The following NCKAP5L variants were observed in gnomAD, a reference collection of about 807,000 sequenced individuals.
NCKAP5L encodes the protein NCK associated protein 5 like, also known as nck-associated protein 5-like.
In NCKAP5L, 54 loss-of-function variants were observed where a neutral mutation model predicts 103.2. That is an observed-to-expected ratio of 0.52 (90% CI 0.42 to 0.66). The LOEUF is 0.66. NCKAP5L is among the 30% of genes least tolerant of loss of function. The probability of loss-of-function intolerance (pLI) is 0.00; values close to 1 mark genes in which losing one functional copy is unlikely to be tolerated. For synonymous variants in NCKAP5L, 762 were observed against 748.6 expected (o/e 1.02, Z -0.29); for missense variants, 1,733 against 1,750.6 (o/e 0.99, Z 0.18).
chr12:49,808,226 G>A (rs1308772093), intron 1 of NCKAP5L, among the ~76,000 whole-genome samples: 1 of 152,222 alleles, frequency 6.6e-6, no homozygotes, highest in Non-Finnish European at 1.5e-5. Flanking sequence ...CTGAGAATGG[G>A]GGAGACCCTC....
At chr12:49,812,556 G>A (rs993850383) in intron 1 of NCKAP5L, among the ~76,000 whole-genome samples, 6 of 151,998 alleles carry the variant, frequency 3.9e-5, no homozygotes, top group Non-Finnish European at 7.4e-5. Flanking sequence ...GCTAATTTTT[G>A]TATTTTTAGT....
At chr12:49,822,447 T>A (rs770170891) in intron 1 of NCKAP5L, among the ~76,000 whole-genome samples, 2 of 152,078 alleles carry the variant, frequency 1.3e-5, no homozygotes, top group Non-Finnish European at 2.9e-5. Context: ...AAAAAAAGAA[T>A]ATATATTTGT....
intron 1 of NCKAP5L, among the ~76,000 whole-genome samples, chr12:49,822,548 ATTTT>A (rs776773360): frequency 5.7e-5 from 8 of 139,462 alleles, no homozygotes; most frequent in African/African-American, 1.6e-4. Flanking sequence ...TGGGAGTGAG[ATTTT>A]TTTTTTTTTT....
In NCKAP5L at chr12:49,795,038, T is replaced by C. The variant is rs1265492888; in HGVS notation, c.2822A>G (p.Lys941Arg). ...LNRRTEATKN[K>R]EGAGGGSPLR... Reference sequence around the variant, plus strand: ...CGGGGAGCCCCCGCCAGCCCCCTCCTTGTTCTTGGTGGCCTCTGTGCGGCG... The same window carrying C: ...CGGGGAGCCCCCGCCAGCCCCCTCCCTGTTCTTGGTGGCCTCTGTGCGGCG... The change falls in exon 8 of 13, where the codon AAG (lysine) becomes AGG (arginine). Residue 941 changes from lysine (K) to arginine (R), a missense_variant. Transcript: ENST00000335999. The C allele has an allele frequency of 6.2e-7, 1 of 1,609,818 alleles. No homozygotes were observed. The highest frequency in any genetic ancestry group is 8.5e-7 in the Non-Finnish European group (1 of 1,178,260).
chr12:49,800,143 C>T (rs7137847), intron 6 of NCKAP5L, among the ~76,000 whole-genome samples: 6,225 of 152,282 alleles, frequency 0.041, 429 homozygotes, highest in African/African-American at 0.14. Flanking sequence ...TGCGGTGAGC[C>T]GAGATCGCGC....
At chr12:49,822,956 G>C (rs1035425366) in intron 1 of NCKAP5L, among the ~76,000 whole-genome samples, 1 of 152,206 alleles carries the variant, frequency 6.6e-6, no homozygotes, top group Non-Finnish European at 1.5e-5. Flanking sequence ...TCCCAGCTGT[G>C]GCATCCAACC....
chr12:49,796,289 G>A lies in NCKAP5L; in HGVS notation c.1571C>T (p.Ser524Leu). Residue 524 changes from serine to leucine, a missense_variant, in exon 8 of 13, where the codon TCA (serine) becomes TTA (leucine). Coordinates refer to ENST00000335999, the MANE Select transcript of NCKAP5L (RefSeq NM_001037806.4). ...GGAGTCTGGGGTTGTGTAGCAGGGT[G>A]AAGGGCTGGTGGGCAGGCCTTGCGC... ...EGAQGLPTSP[S>L]PCYTTPDSTQ... 6.5e-7 allele frequency: 1 copy of A among 1,549,156 alleles called. No homozygotes were observed. The highest frequency in any genetic ancestry group is 8.7e-7 in the Non-Finnish European group (1 of 1,146,826).
At chr12:49,807,058 G>T (rs1318393475) in intron 1 of NCKAP5L, among the ~76,000 whole-genome samples, 1 of 152,062 alleles carries the variant, frequency 6.6e-6, no homozygotes. Context: ...TCCGCTATAG[G>T]GGCACCTGAA....
intron 5 of NCKAP5L, chr12:49,802,645 T>C (rs191995729): frequency 1.1e-4 from 46 of 409,282 alleles, no homozygotes; most frequent in East Asian, 1.0e-3. Context: ...TTATCCACCA[T>C]AGGTGAGTAA....
intron 6 of NCKAP5L, among the ~76,000 whole-genome samples, chr12:49,799,620 T>A (rs1460614292): frequency 2.6e-5 from 4 of 152,142 alleles, no homozygotes; most frequent in Non-Finnish European, 4.4e-5. Flanking sequence ...CTCGGCCTCA[T>A]TTTCTTTTCT....
At position 49,794,977 on chromosome 12, in the gene NCKAP5L, C is replaced by T; in HGVS notation, c.2883G>A (p.Leu961=). 6.3e-7 allele frequency: 1 copy of T among 1,590,054 alleles called. No homozygotes were observed. The highest frequency in any genetic ancestry group is 8.6e-7 in the Non-Finnish European group (1 of 1,169,028). ...RREVKMEARK[L]EAESLNISKL... ...TGGAGATGTTGAGGCTCTCGGCCTC[C>T]AGCTTCCGGGCTTCCATCTTGACTT... Residue 961 remains leucine (L), a synonymous_variant, in exon 8 of 13, where the codon CTG becomes CTA. Transcript: ENST00000335999.
chr12:49,794,274 C>A (rs1370154541), intron 8 of NCKAP5L, among the ~76,000 whole-genome samples: 3 of 152,342 alleles, frequency 2.0e-5, no homozygotes, highest in African/African-American at 7.2e-5. Context: ...AAACCACGCA[C>A]CCTACCTGGG....
Position 49,797,269 on chromosome 12 carries a change from C to T in NCKAP5L, c.591G>A (p.Leu197=). Residue 197 remains leucine, a synonymous_variant, in exon 8 of 13, where the codon CTG becomes CTA. Coordinates refer to ENST00000335999, the MANE Select transcript of NCKAP5L (RefSeq NM_001037806.4). The surrounding 1 kb of genome is among the most constrained non-coding windows in gnomAD (Gnocchi z 4.5). ...AGAGAAGCAAGGGGTCAGTCTCTTCCAGGGCTCTCAGCACCTCCAGAATCT... is the reference window on the plus strand; with the variant it reads ...AGAGAAGCAAGGGGTCAGTCTCTTCTAGGGCTCTCAGCACCTCCAGAATCT... ...KAQILEVLRA[L]EETDPLLLCS... 5.0e-6 allele frequency: 8 copies of T among 1,613,524 alleles called. No individual in the cohort carries two copies. The highest frequency in any genetic ancestry group is 5.9e-6 in the Non-Finnish European group (7 of 1,179,810).
intron 1 of NCKAP5L, among the ~76,000 whole-genome samples, chr12:49,814,160 T>TTATATATA (rs141969862): frequency 8.0e-6 from 1 of 124,640 alleles, no homozygotes; most frequent in Non-Finnish European, 1.6e-5. Context: ...TATTTTATAT[T>TTATATATA]TATATATATA....
In NCKAP5L at chr12:49,796,364, G is replaced by T. The variant is rs1232952578; in HGVS notation, c.1496C>A (p.Pro499Gln). The T allele has an allele frequency of 3.2e-6, 5 of 1,575,872 alleles. No individual in the cohort carries two copies. In the Admixed American group the frequency reaches 5.5e-5, roughly 17 times the overall value. The part of the protein sequence containing the change: ...RNSGSDGSPS[P>Q]LLARRGLGGG... ...ACCCAGACCCCTTCGGGCCAACAGT[G>T]GGGAGGGGCTGCCGTCTGAGCCACT... Residue 499 changes from proline to glutamine, a missense_variant, in exon 8 of 13, where the codon CCA becomes CAA. Pro to Gln is a moderately conservative substitution (Grantham distance 76). Transcript: ENST00000335999.
chr12:49,796,551 C>G lies in NCKAP5L; in HGVS notation c.1309G>C (p.Gly437Arg), dbSNP rs779808818. ...SSQVKSKLQI[G>R]PPSPGEAQGP... ...TGAGCTTCCCCAGGAGAAGGGGGGC[C>G]AATTTGGAGCTTGCTTTTCACCTGA... Residue 437 changes from glycine to arginine, a missense_variant, in exon 8 of 13, where the codon GGC becomes CGC. By Grantham distance (125) the Gly-to-Arg change is moderately radical. Transcript: ENST00000335999. The G allele has an allele frequency of 6.3e-7, 1 of 1,591,250 alleles. No individual in the cohort carries two copies. The highest frequency in any genetic ancestry group is 8.5e-7 in the Non-Finnish European group (1 of 1,170,710).
Position 49,795,962 on chromosome 12 carries a change from G to C in NCKAP5L, c.1898C>G (p.Pro633Arg), listed in dbSNP as rs759878795. The C allele has an allele frequency of 1.3e-6, 2 of 1,534,672 alleles. No homozygotes were observed. The highest frequency in any genetic ancestry group is 2.3e-5 in the East Asian group (1 of 44,378). The change falls in exon 8 of 13, where the codon CCC becomes CGC. Residue 633 changes from proline (P) to arginine (R), a missense_variant. Physicochemically the swap from Pro to Arg is moderately radical, Grantham distance 103. Coordinates refer to ENST00000335999, the MANE Select transcript of NCKAP5L (RefSeq NM_001037806.4). ...LDKAGSESPH[P>R]GRRTPGNSSK... Reference sequence around the variant, plus strand: ...TGAGTTGCCTGGGGTCCTGCGGCCGGGATGGGGAGACTCCGAGCCTGCCTT... The same window carrying C: ...TGAGTTGCCTGGGGTCCTGCGGCCGCGATGGGGAGACTCCGAGCCTGCCTT...
Sources: allele counts gnomAD v4.1 joint callset (sites outside exome capture counted in the v4.1 genomes callset), GRCh38; gene constraint gnomAD v4.1.1; non-coding constraint Gnocchi (gnomAD v3.1); transcripts MANE v1.5; gene names NCBI Gene and HGNC (gene_info 2026-07-23, HGNC 2026-07-21).